Variants in LANCL3 observed in about 807,000 individuals in gnomAD.
The protein encoded by LANCL3 is LanC like family member 3, also known as lanC-like protein 3.
A neutral mutation model predicts 26.5 loss-of-function variants in LANCL3; 19 were observed. That is an observed-to-expected ratio of 0.72 (90% CI 0.50 to 1.05). The LOEUF (loss-of-function observed/expected upper bound fraction) is 1.05, where lower values mean the gene tolerates loss of function less well. Among genes scored for constraint, LANCL3 ranks in the 50% least tolerant of loss-of-function variants. The pLI is 0.00. For missense variants in LANCL3, 318 were observed against 362.7 expected (o/e 0.88, Z 1.00); for synonymous variants, 160 against 166.6 (o/e 0.96, Z 0.30).
At chrX:37,586,605 T>C (rs181181920) in intron 1 of LANCL3, among the ~76,000 whole-genome samples, 135 of 112,404 alleles carry the variant, frequency 1.2e-3, no homozygotes, top group African/African-American at 4.2e-3. Flanking sequence ...CTGAAGCTTG[T>C]GCATTCGTCA....
At chrX:37,624,822 G>T (rs781849485) in intron 1 of LANCL3, among the ~76,000 whole-genome samples, 4 of 111,870 alleles carry the variant, frequency 3.6e-5, no homozygotes, top group Non-Finnish European at 7.5e-5. Flanking sequence ...TCAGCAGTTG[G>T]TTGGCAGTGG....
chrX:37,585,118 C>T (rs1317824895), intron 1 of LANCL3, among the ~76,000 whole-genome samples: 5 of 111,893 alleles, frequency 4.5e-5, no homozygotes, highest in Non-Finnish European at 9.4e-5. Flanking sequence ...GAGTGAGTTT[C>T]TTAATCCTGA....
At chrX:37,596,582 C>T (rs1407261404) in intron 1 of LANCL3, among the ~76,000 whole-genome samples, 3 of 112,026 alleles carry the variant, frequency 2.7e-5, no homozygotes, top group Admixed American at 9.5e-5. Context: ...CTGGCAGTTA[C>T]GATTCTGTCA....
intron 2 of LANCL3, 46 bp downstream of exon 2, chrX:37,655,857 T>TA: frequency 8.8e-7 from 1 of 1,136,572 alleles, no homozygotes; most frequent in Non-Finnish European, 1.2e-6. Flanking sequence ...AGAAAGTCTC[T>TA]AAGATACTAC....
Position 37,679,021 on chromosome X carries a change from T to C in LANCL3, c.*3208T>C, listed in dbSNP as rs1419820538. On this transcript the variant is annotated 3_prime_UTR_variant, in exon 5 of 5. Coordinates refer to ENST00000378619, the MANE Select transcript of LANCL3 (RefSeq NM_001170331.2). ...AACACACAATTAAAAGGAAAACCAT[T>C]AGTGGTGCAAAGAGCCCTGTGCTGG... 9.0e-6 allele frequency: 1 copy of C among 111,728 alleles called. No homozygotes were observed. Among genetic ancestry groups the C allele is most frequent in the Non-Finnish European group, 1.9e-5 (1 of 53,077 alleles). The allele number at this position is 111,728 out of a possible 1,213,427, so 9.2% of individuals were successfully genotyped here.
At chrX:37,635,980 C>T (rs1556425309) in intron 1 of LANCL3, among the ~76,000 whole-genome samples, 1 of 101,777 alleles carries the variant, frequency 9.8e-6, no homozygotes, top group Non-Finnish European at 2.0e-5. Flanking sequence ...CTCAAGTAGG[C>T]CCCAGTGTCT....
intron 1 of LANCL3, among the ~76,000 whole-genome samples, chrX:37,586,989 T>A (rs184071469): frequency 0.01 from 1,130 of 112,610 alleles, 20 homozygotes; most frequent in African/African-American, 0.035. Flanking sequence ...GGATGTACTT[T>A]CAGTTTGTTA....
chrX:37,628,299 C>A (rs188889058), intron 1 of LANCL3, among the ~76,000 whole-genome samples: 1 of 110,907 alleles, frequency 9.0e-6, no homozygotes, highest in Non-Finnish European at 1.9e-5. Context: ...TCATACACAT[C>A]CAAATTGAGG....
intron 1 of LANCL3, among the ~76,000 whole-genome samples, chrX:37,579,993 A>C (rs1923854430): frequency 8.9e-6 from 1 of 111,928 alleles, no homozygotes; most frequent in African/African-American, 3.2e-5. Context: ...CCAGGGTAGA[A>C]ACTGAGTCCC....
intron 1 of LANCL3, among the ~76,000 whole-genome samples, chrX:37,610,842 C>T (rs1445420315): frequency 8.9e-6 from 1 of 112,570 alleles, no homozygotes; most frequent in Non-Finnish European, 1.9e-5. Context: ...ATTTATTATA[C>T]TGTATATAGT....
chrX:37,653,870 A>T (rs1379868371), intron 1 of LANCL3, among the ~76,000 whole-genome samples: 4 of 110,610 alleles, frequency 3.6e-5, no homozygotes, highest in African/African-American at 9.9e-5. Flanking sequence ...AGTGGTTAAT[A>T]AAAGGGAAAT....
At chrX:37,670,991 T>C (rs2146793827) in intron 4 of LANCL3, among the ~76,000 whole-genome samples, 1 of 111,673 alleles carries the variant, frequency 9.0e-6, no homozygotes. Context: ...ATTACTGGTA[T>C]TTATGGAAGC....
chrX:37,598,019 T>C (rs1924484474), intron 1 of LANCL3, among the ~76,000 whole-genome samples: 1 of 110,732 alleles, frequency 9.0e-6, no homozygotes, highest in African/African-American at 3.3e-5. Flanking sequence ...CTATTATTAT[T>C]TTTATTTAGT....
intron 1 of LANCL3, among the ~76,000 whole-genome samples, chrX:37,623,009 G>C (rs1925209547): frequency 8.9e-6 from 1 of 111,787 alleles, no homozygotes; most frequent in African/African-American, 3.2e-5. Context: ...CTGTACAATT[G>C]GCACCTTTTC....
chrX:37,581,706 A>G (rs1923897980), intron 1 of LANCL3, among the ~76,000 whole-genome samples: 1 of 112,164 alleles, frequency 8.9e-6, no homozygotes, highest in Non-Finnish European at 1.9e-5. Flanking sequence ...TAATTTAGAA[A>G]GCTTTAGATA....
intron 3 of LANCL3, among the ~76,000 whole-genome samples, chrX:37,666,655 T>C (rs1926553487): frequency 8.9e-6 from 1 of 111,959 alleles, no homozygotes; most frequent in African/African-American, 3.2e-5. Context: ...TAACTGATAC[T>C]ACTTTTGTTG....
intron 1 of LANCL3, among the ~76,000 whole-genome samples, chrX:37,632,466 ATTG>A (rs1205682912): frequency 1.8e-5 from 2 of 110,769 alleles, no homozygotes; most frequent in African/African-American, 6.6e-5. Flanking sequence ...TAAAGTTAAT[ATTG>A]TTATGTGTGA....
chrX:37,588,230 A>G (rs782215873), intron 1 of LANCL3, among the ~76,000 whole-genome samples: 3 of 111,843 alleles, frequency 2.7e-5, no homozygotes, highest in Non-Finnish European at 3.8e-5. Context: ...GCTGCAACAC[A>G]ATATACAATG....
intron 1 of LANCL3, among the ~76,000 whole-genome samples, chrX:37,633,721 G>T (rs1266682336): frequency 8.9e-6 from 1 of 111,913 alleles, no homozygotes; most frequent in Non-Finnish European, 1.9e-5. Context: ...CTGGGTATCA[G>T]CAGCGGTGGC....
Sources: gnomAD v4.1 joint callset for allele counts (sites outside exome capture counted in the v4.1 genomes callset) on GRCh38, gnomAD v4.1.1 for gene constraint, MANE v1.5 for transcripts, NCBI Gene and HGNC (gene_info 2026-07-23, HGNC 2026-07-21) for gene names.